ITGBL1: variants seen among roughly 807,000 people sequenced by gnomAD.
The protein encoded by ITGBL1 is integrin beta-like protein 1.
In ITGBL1, 51 loss-of-function variants were observed where a neutral mutation model predicts 68.5. That is an observed-to-expected ratio of 0.74 (90% CI 0.59 to 0.94). ITGBL1 has a LOEUF of 0.94. Ranked by LOEUF, ITGBL1 falls within the 40% of genes least tolerant of loss-of-function variation. The probability of loss-of-function intolerance (pLI) is 0.00; values close to 1 mark genes in which losing one functional copy is unlikely to be tolerated. For missense variants in ITGBL1, 649 were observed against 647.4 expected (o/e 1.00, Z -0.03); for synonymous variants, 209 against 227.3 (o/e 0.92, Z 0.72).
intron 8 of ITGBL1, among the ~76,000 whole-genome samples, chr13:101,694,677 C>T (rs993230851): frequency 2.0e-5 from 3 of 152,124 alleles, no homozygotes; most frequent in Non-Finnish European, 4.4e-5. Flanking sequence ...CTGCCTTGGC[C>T]TCCCAAAGAG....
chr13:101,502,921 T>C (rs1594850967), intron 2 of ITGBL1, among the ~76,000 whole-genome samples: 1 of 152,202 alleles, frequency 6.6e-6, no homozygotes, highest in Non-Finnish European at 1.5e-5. Context: ...CTTAGTGTTT[T>C]TCCATTATGC....
chr13:101,720,761 A>G (rs1471774786), downstream of ITGBL1: 1 of 152,154 alleles, frequency 6.6e-6, no homozygotes, highest in African/African-American at 2.4e-5. Context: ...ATAGGCTTCA[A>G]GATGACATAA....
intron 2 of ITGBL1, among the ~76,000 whole-genome samples, chr13:101,479,992 G>T (rs4133238): frequency 0.14 from 21,475 of 151,944 alleles, 1,988 homozygotes; most frequent in East Asian, 0.4. Context: ...AAGAAATCAG[G>T]GTATGGAAGA....
intron 7 of ITGBL1, among the ~76,000 whole-genome samples, chr13:101,611,242 G>A (rs961444630): frequency 8.5e-5 from 13 of 152,134 alleles, no homozygotes; most frequent in African/African-American, 1.7e-4. Context: ...CCAAGTTAAC[G>A]TTGCTTCATG....
intron 7 of ITGBL1, among the ~76,000 whole-genome samples, chr13:101,625,406 A>G (rs79562689): frequency 0.012 from 1,777 of 152,276 alleles, 17 homozygotes; most frequent in Middle Eastern, 0.02. Flanking sequence ...GGAACAAATC[A>G]TATACAGACT....
At chr13:101,488,534 C>G (rs532177198) in intron 2 of ITGBL1, among the ~76,000 whole-genome samples, 2 of 152,198 alleles carry the variant, frequency 1.3e-5, no homozygotes, top group South Asian at 4.1e-4. Context: ...TGACTGTCAA[C>G]TTTAACTTGA....
rs1416322687 is a variant in ITGBL1, at chr13:101,694,277, TG to T, written c.1132+1577del. 7.9e-5 allele frequency among the ~76,000 whole-genome samples: 12 copies of T among 152,306 alleles called. 1 individual carries two copies. Among genetic ancestry groups the T allele is most frequent in the African/African-American group, 2.9e-4 (12 of 41,574 alleles). On this transcript the variant is annotated intron_variant, in intron 8 of 10. Coordinates refer to ENST00000376180, the MANE Select transcript of ITGBL1 (RefSeq NM_004791.3). ...TTACTCTTTTTGTTTGTTAAGGACA[TG>T]ACATATATTAACTCATTTATTTATC...
At chr13:101,663,231 G>A (rs1381953457) in intron 7 of ITGBL1, among the ~76,000 whole-genome samples, 1 of 152,108 alleles carries the variant, frequency 6.6e-6, no homozygotes, top group East Asian at 1.9e-4. Context: ...CATGATAGAT[G>A]CTATCAGAGT....
intron 7 of ITGBL1, among the ~76,000 whole-genome samples, chr13:101,625,558 A>AT (rs35177518): frequency 0.8 from 119,608 of 149,746 alleles, 47,765 homozygotes; most frequent in African/African-American, 0.85. Context: ...GTAATGGCTA[A>AT]TTTTTTTTTT....
intron 2 of ITGBL1, among the ~76,000 whole-genome samples, chr13:101,542,503 G>A (rs1435600008): frequency 4.6e-5 from 7 of 152,120 alleles, no homozygotes; most frequent in East Asian, 1.9e-4. Flanking sequence ...GAATAAGTGT[G>A]GTGTGGTGCT....
At chr13:101,576,547 C>T (rs987859438) in intron 4 of ITGBL1, among the ~76,000 whole-genome samples, 4 of 152,138 alleles carry the variant, frequency 2.6e-5, no homozygotes, top group African/African-American at 2.4e-5. Flanking sequence ...GACTGCCCTG[C>T]GTGCAGAAAT....
intron 2 of ITGBL1, among the ~76,000 whole-genome samples, chr13:101,529,044 A>G (rs1284336357): frequency 6.6e-6 from 1 of 152,096 alleles, no homozygotes; most frequent in African/African-American, 2.4e-5. Context: ...ATAGGGAAAA[A>G]TAGAAATGAA....
intron 7 of ITGBL1, among the ~76,000 whole-genome samples, chr13:101,677,292 AAT>A (rs1284777747): frequency 6.6e-6 from 1 of 152,178 alleles, no homozygotes; most frequent in Non-Finnish European, 1.5e-5. Context: ...ACAAAAATAT[AAT>A]ATGTGTAGGT....
chr13:101,566,696 T>C (rs2050188417), intron 2 of ITGBL1, among the ~76,000 whole-genome samples: 1 of 152,122 alleles, frequency 6.6e-6, no homozygotes, highest in South Asian at 2.1e-4. Flanking sequence ...TTGAATCAGA[T>C]CAATGACTTC....
intron 7 of ITGBL1, among the ~76,000 whole-genome samples, chr13:101,605,873 T>C (rs1302455984): frequency 1.3e-5 from 2 of 150,518 alleles, no homozygotes; most frequent in Non-Finnish European, 3.0e-5. Context: ...TGTGTATATA[T>C]ACACATATAT....
intron 2 of ITGBL1, among the ~76,000 whole-genome samples, chr13:101,522,152 TTTAA>T (rs1291131987): frequency 6.6e-6 from 1 of 152,152 alleles, no homozygotes; most frequent in African/African-American, 2.4e-5. Flanking sequence ...GTCATTTAAC[TTTAA>T]TTATCTCCTA....
At chr13:101,545,627 T>C (rs2049807177) in intron 2 of ITGBL1, among the ~76,000 whole-genome samples, 1 of 152,144 alleles carries the variant, frequency 6.6e-6, no homozygotes, top group African/African-American at 2.4e-5. Context: ...AGTAAAATCT[T>C]CCATGGTAAA....
intron 2 of ITGBL1, among the ~76,000 whole-genome samples, chr13:101,558,324 A>T (rs1403023598): frequency 2.6e-5 from 4 of 152,006 alleles, no homozygotes; most frequent in Non-Finnish European, 4.4e-5. Context: ...ACGGGGAGGG[A>T]GGGAGAAGGT....
At chr13:101,520,368 C>CA (rs1470613109) in intron 2 of ITGBL1, among the ~76,000 whole-genome samples, 15 of 152,142 alleles carry the variant, frequency 9.9e-5, no homozygotes, top group African/African-American at 3.1e-4. Flanking sequence ...TAGAGAGCAG[C>CA]ATTTATTTTG....
Sources: gnomAD v4.1 joint callset for allele counts (sites outside exome capture counted in the v4.1 genomes callset) on GRCh38, gnomAD v4.1.1 for gene constraint, MANE v1.5 for transcripts, NCBI Gene and HGNC (gene_info 2026-07-23, HGNC 2026-07-21) for gene names.